The following ZBTB20 variants were observed in gnomAD, a reference collection of about 807,000 sequenced individuals.
ZBTB20 encodes the protein zinc finger and BTB domain containing 20.
In ZBTB20, 9 loss-of-function variants were observed where a neutral mutation model predicts 56.9. That is an observed-to-expected ratio of 0.16 (90% CI 0.10 to 0.28). The LOEUF is 0.28. ZBTB20 is among the 10% of genes least tolerant of loss of function. The pLI, the probability that ZBTB20 is intolerant of heterozygous loss-of-function variation, is 1.00. For missense variants in ZBTB20, 655 were observed against 1,003.0 expected (o/e 0.65, Z 4.69); for synonymous variants, 417 against 420.7 (o/e 0.99, Z 0.11).
chr3:114,646,498 T>G (rs2107960382), intron 6 of ZBTB20, among the ~76,000 whole-genome samples: 1 of 152,212 alleles, frequency 6.6e-6, no homozygotes, highest in African/African-American at 2.4e-5. Flanking sequence ...TTAAATTTGT[T>G]GTGGAAGTTG....
chr3:114,841,858 A>C (rs1401572470), intron 4 of ZBTB20, among the ~76,000 whole-genome samples: 1 of 152,114 alleles, frequency 6.6e-6, no homozygotes, highest in Non-Finnish European at 1.5e-5. Context: ...TATGGGAGAA[A>C]ATGAGATTGC....
rs574118067 is a variant in ZBTB20 at position 114,941,622 on chromosome 3, A to G, written c.-456+32744T>C. On this transcript the variant is annotated intron_variant, in intron 3 of 11. Coordinates refer to ENST00000675478, the MANE Select transcript of ZBTB20 (RefSeq NM_001348800.3). Reference sequence around the variant, plus strand: ...ATCTAAAGACTCTATAGCTTCTGGAATAATAAATTGGTAGTTTTCTTTATT... The same window carrying G: ...ATCTAAAGACTCTATAGCTTCTGGAGTAATAAATTGGTAGTTTTCTTTATT... Among the ~76,000 whole-genome samples, 6 of 146,510 alleles carry G rather than the reference A, an allele frequency of 4.1e-5. 2 individuals carry two copies. The highest frequency in any genetic ancestry group is 1.7e-4 in the African/African-American group (6 of 36,302).
chr3:115,090,520 T>C (rs1007632229), intron 1 of ZBTB20, among the ~76,000 whole-genome samples: 5 of 151,634 alleles, frequency 3.3e-5, no homozygotes, highest in Non-Finnish European at 3.0e-5. Context: ...AAATGGGAAA[T>C]AGAGATAACA....
intron 6 of ZBTB20, among the ~76,000 whole-genome samples, chr3:114,538,563 C>T (rs1359879984): frequency 6.6e-6 from 1 of 152,114 alleles, no homozygotes; most frequent in Non-Finnish European, 1.5e-5. Flanking sequence ...AATCCCTACC[C>T]TACTCTATTT....
At chr3:114,461,134 G>C (rs572786553) in intron 7 of ZBTB20, among the ~76,000 whole-genome samples, 1 of 152,100 alleles carries the variant, frequency 6.6e-6, no homozygotes, top group South Asian at 2.1e-4. Flanking sequence ...AAAGAGAAGG[G>C]TTTCAGTGTC....
At position 114,320,271 on chromosome 3, in the gene ZBTB20, T is replaced by C. The variant is rs2078848235; in HGVS notation, c.*18734A>G. The C allele has an allele frequency of 6.6e-6, 1 of 152,206 alleles. No homozygotes were observed. The highest frequency in any genetic ancestry group is 1.5e-5 in the Non-Finnish European group (1 of 68,020). 9.4% of individuals were successfully genotyped at this position (152,206 alleles called of 1,614,324 possible). On this transcript the variant is annotated 3_prime_UTR_variant, in exon 12 of 12. Coordinates refer to ENST00000675478, the MANE Select transcript of ZBTB20 (RefSeq NM_001348800.3). ...TGGTTTTGCTTTGTTTTGTTTCTGA[T>C]TTTTTAAACAGTGAAATATGTCCAA... is the stretch of plus-strand genomic sequence containing the variant.
chr3:114,548,994 T>C (rs970088988), intron 6 of ZBTB20, among the ~76,000 whole-genome samples: 8 of 152,158 alleles, frequency 5.3e-5, no homozygotes, highest in African/African-American at 1.9e-4. Flanking sequence ...CTGAAAAAAG[T>C]AAACAAACAT....
chr3:115,049,616 T>C (rs553581026), intron 2 of ZBTB20, among the ~76,000 whole-genome samples: 27 of 152,276 alleles, frequency 1.8e-4, no homozygotes, highest in African/African-American at 6.0e-4. Flanking sequence ...TCTGGCATCA[T>C]GGCAGTGCTC....
chr3:114,834,379 T>C (rs1190030581), intron 4 of ZBTB20, among the ~76,000 whole-genome samples: 1 of 152,118 alleles, frequency 6.6e-6, no homozygotes, highest in Non-Finnish European at 1.5e-5. Context: ...TGCCCCATTT[T>C]ACAGTACCCA....
chr3:115,107,831 G>A (rs1331973105), intron 1 of ZBTB20, among the ~76,000 whole-genome samples: 1 of 152,214 alleles, frequency 6.6e-6, no homozygotes, highest in Non-Finnish European at 1.5e-5. Context: ...ATGAGATCAT[G>A]TCCTTTGCAT....
intron 3 of ZBTB20, among the ~76,000 whole-genome samples, chr3:114,949,156 CT>C (rs1459342558): frequency 6.8e-6 from 1 of 146,008 alleles, no homozygotes; most frequent in Non-Finnish European, 1.5e-5. Context: ...AAAGTTATTG[CT>C]AACATACTCA....
At chr3:114,384,477 A>T (rs1423421083) in intron 8 of ZBTB20, among the ~76,000 whole-genome samples, 1 of 152,034 alleles carries the variant, frequency 6.6e-6, no homozygotes, top group Non-Finnish European at 1.5e-5. Context: ...AAGAAAAAAA[A>T]AAAAGGCAAA....
intron 2 of ZBTB20, among the ~76,000 whole-genome samples, chr3:115,013,343 A>G (rs1360176224): frequency 6.6e-6 from 1 of 151,724 alleles, no homozygotes; most frequent in Admixed American, 6.6e-5. Flanking sequence ...AGAGATGTAA[A>G]AGGAGACATC....
chr3:114,389,053 G>T lies in ZBTB20; in HGVS notation c.-202C>A, dbSNP rs2693059. On this transcript the variant is annotated 5_prime_UTR_variant, in exon 8 of 12. Transcript: ENST00000675478. ...CACTCTTCAGGTAAATTACTCCAAG[G>T]CTTGGGCCTAGTGCAGATGTTCATT... The T allele has an allele frequency of 6.6e-6, 1 of 152,170 alleles. No homozygotes were observed. Among genetic ancestry groups the T allele is most frequent in the Non-Finnish European group, 1.5e-5 (1 of 68,048 alleles). 9.4% of individuals were successfully genotyped at this position (152,170 alleles called of 1,614,324 possible).
chr3:114,849,202 G>A (rs1432148334), intron 4 of ZBTB20, among the ~76,000 whole-genome samples: 1 of 152,008 alleles, frequency 6.6e-6, no homozygotes, highest in Non-Finnish European at 1.5e-5. Context: ...TGAGACAATT[G>A]TGCTAACTAG....
At chr3:115,033,956 C>T (rs765372744) in intron 2 of ZBTB20, among the ~76,000 whole-genome samples, 7 of 151,514 alleles carry the variant, frequency 4.6e-5, no homozygotes, top group Non-Finnish European at 7.4e-5. Flanking sequence ...CAGATGTAAA[C>T]CCATCAACAT....
chr3:114,785,912 C>A (rs564559897), intron 5 of ZBTB20, among the ~76,000 whole-genome samples: 1 of 152,244 alleles, frequency 6.6e-6, no homozygotes, highest in Admixed American at 6.5e-5. Flanking sequence ...AGTGTGTACC[C>A]TTTGACGAAC....
intron 3 of ZBTB20, among the ~76,000 whole-genome samples, chr3:114,905,530 A>G (rs1288689055): frequency 6.6e-6 from 1 of 151,922 alleles, no homozygotes; most frequent in African/African-American, 2.4e-5. Flanking sequence ...TTAGCACAGT[A>G]CATAATGTGT....
intron 7 of ZBTB20, among the ~76,000 whole-genome samples, chr3:114,393,616 A>C (rs2086078879): frequency 1.3e-5 from 2 of 152,206 alleles, no homozygotes; most frequent in South Asian, 4.1e-4. Flanking sequence ...GTTACACTCT[A>C]AAAAAGATTC....
Sources: allele counts gnomAD v4.1 joint callset (sites outside exome capture counted in the v4.1 genomes callset), GRCh38; gene constraint gnomAD v4.1.1; transcripts MANE v1.5; gene names NCBI Gene and HGNC (gene_info 2026-07-23, HGNC 2026-07-21).